Variants in KDM4C observed in about 807,000 individuals in gnomAD.
KDM4C encodes lysine demethylase 4C.
A neutral mutation model predicts 129.3 loss-of-function variants in KDM4C; 81 were observed. That is an observed-to-expected ratio of 0.63 (90% CI 0.52 to 0.75). The LOEUF is 0.75. KDM4C is among the 30% of genes least tolerant of loss of function. KDM4C has a pLI of 0.00. For missense variants in KDM4C, 1,457 were observed against 1,304.0 expected (o/e 1.12, Z -1.81); for synonymous variants, 573 against 456.1 (o/e 1.26, Z -3.26).
At chr9:6,880,090 T>G (rs371802976) in intron 6 of KDM4C, 29 bp downstream of exon 6, 10 of 1,505,608 alleles carry the variant, frequency 6.6e-6, no homozygotes, top group Non-Finnish European at 9.1e-6. Flanking sequence ...ATTTGTTTTC[T>G]GTGTTTTATA....
chr9:6,721,939 G>C (rs10124565), intron 1 of KDM4C, among the ~76,000 whole-genome samples: 53,229 of 151,970 alleles, frequency 0.35, 9,625 homozygotes, highest in African/African-American at 0.45. Flanking sequence ...CCAGGTTGGT[G>C]TTGAGCTCCT....
chr9:6,790,691 C>G (rs992179221), intron 1 of KDM4C, among the ~76,000 whole-genome samples: 66 of 99,058 alleles, frequency 6.7e-4, no homozygotes, highest in African/African-American at 2.3e-3. Context: ...AAGAGGAAAA[C>G]TTTTTTCCAG....
At chr9:6,762,634 TATATA>T (rs1440248087) in intron 1 of KDM4C, among the ~76,000 whole-genome samples, 1 of 148,044 alleles carries the variant, frequency 6.8e-6, no homozygotes, top group African/African-American at 2.5e-5. Context: ...TATTATATAA[TATATA>T]ATATAATATA....
At chr9:6,960,754 C>G (rs1293962379) in intron 8 of KDM4C, among the ~76,000 whole-genome samples, 1 of 152,158 alleles carries the variant, frequency 6.6e-6, no homozygotes, top group Admixed American at 6.5e-5. Flanking sequence ...CTCCAAGTTG[C>G]TTAGACCCAG....
At chr9:6,855,231 C>A (rs917170678) in intron 5 of KDM4C, among the ~76,000 whole-genome samples, 1 of 152,012 alleles carries the variant, frequency 6.6e-6, no homozygotes, top group Non-Finnish European at 1.5e-5. Context: ...GAGGCTGAGG[C>A]GGGCAGATCA....
At chr9:7,150,413 C>T (rs1842623170) in intron 19 of KDM4C, among the ~76,000 whole-genome samples, 1 of 152,216 alleles carries the variant, frequency 6.6e-6, no homozygotes, top group Non-Finnish European at 1.5e-5. Context: ...AGAGTTCCCA[C>T]CTCTTTGCCT....
At chr9:7,162,523 A>G (rs1843912254) in intron 19 of KDM4C, among the ~76,000 whole-genome samples, 1 of 152,220 alleles carries the variant, frequency 6.6e-6, no homozygotes, top group African/African-American at 2.4e-5. Flanking sequence ...GTCACTTAGT[A>G]AAGTTCATCT....
intron 15 of KDM4C, among the ~76,000 whole-genome samples, chr9:7,046,453 C>T (rs180698860): frequency 4.3e-4 from 66 of 152,138 alleles, no homozygotes; most frequent in African/African-American, 1.5e-3. Context: ...ATTAGCCACC[C>T]TGTATCCAGG....
At chr9:7,076,019 AT>A (rs1272490132) in intron 17 of KDM4C, among the ~76,000 whole-genome samples, 3 of 152,156 alleles carry the variant, frequency 2.0e-5, no homozygotes, top group Non-Finnish European at 4.4e-5. Flanking sequence ...TAGAACGAAC[AT>A]TTATGGCATG....
chr9:7,140,260 G>T (rs1195279384), intron 19 of KDM4C, among the ~76,000 whole-genome samples: 1 of 152,150 alleles, frequency 6.6e-6, no homozygotes, highest in Admixed American at 6.5e-5. Flanking sequence ...GGCCTCTTCC[G>T]CCCTGCTCAT....
intron 8 of KDM4C, among the ~76,000 whole-genome samples, chr9:6,980,668 C>G (rs1455895029): frequency 1.3e-5 from 2 of 152,064 alleles, no homozygotes; most frequent in Non-Finnish European, 2.9e-5. Flanking sequence ...GCACTCTTTC[C>G]TTTTAGTTTT....
At chr9:6,992,552 A>G (rs1234615243) in intron 12 of KDM4C, among the ~76,000 whole-genome samples, 2 of 152,220 alleles carry the variant, frequency 1.3e-5, no homozygotes, top group Non-Finnish European at 2.9e-5. Context: ...CAAACTGGCA[A>G]CAGAGAATAT....
At chr9:6,924,872 G>T in intron 8 of KDM4C, 3 of 984,480 alleles carry the variant, frequency 3.0e-6, no homozygotes, top group Non-Finnish European at 3.6e-6. Context: ...TTTTTTCAAT[G>T]AATATTTGGG....
intron 11 of KDM4C, 36 bp downstream of exon 11, chr9:6,986,702 A>T (rs773836146): frequency 5.5e-6 from 8 of 1,455,186 alleles, no homozygotes; most frequent in Admixed American, 2.1e-5. Flanking sequence ...CATATTCATT[A>T]TATGGTGAGA....
At chr9:6,909,549 C>T (rs946610527) in intron 8 of KDM4C, among the ~76,000 whole-genome samples, 5 of 151,992 alleles carry the variant, frequency 3.3e-5, no homozygotes, top group African/African-American at 4.8e-5. Context: ...TCTGATGTTT[C>T]AAAGATTTCT....
At chr9:6,949,399 A>G (rs912514178) in intron 8 of KDM4C, among the ~76,000 whole-genome samples, 14 of 147,286 alleles carry the variant, frequency 9.5e-5, no homozygotes, top group East Asian at 2.0e-4. Context: ...CCAGACGATG[A>G]GTGGCCAGGC....
At chr9:7,047,859 G>A (rs1347288829) in intron 16 of KDM4C, among the ~76,000 whole-genome samples, 1 of 151,940 alleles carries the variant, frequency 6.6e-6, no homozygotes, top group African/African-American at 2.4e-5. Context: ...TAGTATATGT[G>A]TATTTGCTTA....
chr9:6,898,422 C>T (rs1816808978), intron 8 of KDM4C, among the ~76,000 whole-genome samples: 2 of 151,924 alleles, frequency 1.3e-5, no homozygotes, highest in Non-Finnish European at 2.9e-5. Flanking sequence ...TAAATATTAT[C>T]TTATTGGAAG....
intron 17 of KDM4C, among the ~76,000 whole-genome samples, chr9:7,085,050 G>T (rs1274442957): frequency 3.9e-5 from 6 of 152,220 alleles, no homozygotes; most frequent in East Asian, 1.9e-4. Flanking sequence ...TGAAGGTAAG[G>T]TTGGGAAAAC....
Sources: gnomAD v4.1 joint callset for allele counts (sites outside exome capture counted in the v4.1 genomes callset) on GRCh38, gnomAD v4.1.1 for gene constraint, MANE v1.5 for transcripts, NCBI Gene and HGNC (gene_info 2026-07-23, HGNC 2026-07-21) for gene names.